The following GLB1L3 variants were observed in gnomAD, a reference collection of about 807,000 sequenced individuals.
The protein encoded by GLB1L3 is beta-galactosidase-1-like protein 3.
Under a neutral mutation model 89.5 loss-of-function variants are expected in GLB1L3, and 89 were observed. That is an observed-to-expected ratio of 0.99 (90% confidence interval 0.84 to 1.19). The LOEUF is 1.19. Ranked by LOEUF, GLB1L3 falls within the 50% of genes most tolerant of loss-of-function variation. GLB1L3 has a pLI of 0.00. For missense variants in GLB1L3, 812 were observed against 813.3 expected (o/e 1.00, Z 0.02); for synonymous variants, 314 against 312.3 (o/e 1.01, Z -0.06).
chr11:134,319,659 C>T (rs575783255), downstream of GLB1L3: 1 of 150,582 alleles, frequency 6.6e-6, no homozygotes, highest in East Asian at 2.0e-4. Context: ...GAGAGTATTG[C>T]ATGTACTAAT....
chr11:134,308,651 ATC>A (rs1565414852), intron 10 of GLB1L3, among the ~76,000 whole-genome samples: 3 of 149,682 alleles, frequency 2.0e-5, no homozygotes, highest in South Asian at 2.1e-4. Flanking sequence ...CATCACCACC[ATC>A]ATCACCACCA....
intron 8 of GLB1L3, chr11:134,292,685 G>A: frequency 4.2e-6 from 1 of 237,480 alleles, no homozygotes; most frequent in Non-Finnish European, 8.2e-6. Context: ...GAATTAAGTG[G>A]CAGGAAGATT....
rs928870830 is a variant in GLB1L3, at chr11:134,317,485, A to G, written c.1780-1146A>G. Among the ~76,000 whole-genome samples the G allele has an allele frequency of 2.1e-4, 32 of 152,168 alleles. 1 individual carries two copies. The highest frequency in any genetic ancestry group is 1.2e-3 in the Admixed American group (18 of 15,274). Reference sequence around the variant, plus strand: ...GGTTTATTTAGAAGTGCTTTTCTTAATTTCCAAGAATTTGGATATTTTAGG... The same window carrying G: ...GGTTTATTTAGAAGTGCTTTTCTTAGTTTCCAAGAATTTGGATATTTTAGG... On this transcript the variant is annotated intron_variant, in intron 18 of 19. Transcript: ENST00000431683.
intron 13 of GLB1L3, 190 bp downstream of exon 13, chr11:134,311,360 T>C (rs1436484738): frequency 5.1e-6 from 3 of 586,140 alleles, no homozygotes; most frequent in Non-Finnish European, 9.1e-6. Flanking sequence ...GGAGTCAGTG[T>C]GCAGGGGAGG....
Position 134,277,833 on chromosome 11 carries a change from C to A in GLB1L3, c.283C>A (p.His95Asn). 1 of 1,614,122 alleles carries A rather than the reference C, an allele frequency of 6.2e-7. No homozygotes were observed. The highest frequency in any genetic ancestry group is 1.1e-5 in the South Asian group (1 of 91,078). Residue 95 changes from histidine (H) to asparagine (N), a missense_variant, in exon 3 of 20, where the codon CAC (histidine) becomes AAC (asparagine). This residue lies in a region of GLB1L3 where 191 missense variants were observed against 191.4 expected (regional missense o/e 1.00). Transcript: ENST00000431683. ...HKFLIFGGSI[H>N]YFRVPREYWR... is the part of the protein sequence containing the mutation. ...GTTCCTGATCTTCGGGGGCTCCATC[C>A]ACTATTTCCGGGTGCCCAGGGAGTA...
intron 11 of GLB1L3, 27 bp from the exon 12 acceptor site, chr11:134,310,544 C>T (rs1440732451): frequency 1.3e-6 from 2 of 1,583,188 alleles, no homozygotes; most frequent in Non-Finnish European, 1.7e-6. Flanking sequence ...GACTGCATGG[C>T]TGGTGACTGG....
chr11:134,281,526 A>G, intron 4 of GLB1L3, 81 bp downstream of exon 4: 1 of 1,420,602 alleles, frequency 7.0e-7, no homozygotes, highest in South Asian at 1.1e-5. Context: ...GCAACCAAAG[A>G]GAACCAGGGA....
downstream of GLB1L3, among the ~76,000 whole-genome samples, chr11:134,322,846 T>G (rs1257254409): frequency 6.6e-6 from 1 of 152,248 alleles, no homozygotes; most frequent in Non-Finnish European, 1.5e-5. Context: ...TTCCACTTTT[T>G]GGATATTATG....
chr11:134,308,435 C>T (rs1323263933), intron 10 of GLB1L3, among the ~76,000 whole-genome samples: 3 of 86,898 alleles, frequency 3.5e-5, no homozygotes, highest in East Asian at 2.7e-4. Flanking sequence ...CCATCACCAC[C>T]ACCACCACCA....
At chr11:134,296,671 A>G (rs1941659322) in intron 9 of GLB1L3, among the ~76,000 whole-genome samples, 1 of 123,708 alleles carries the variant, frequency 8.1e-6, no homozygotes. Context: ...GAAGGGGAAC[A>G]TCACACTCTG....
chr11:134,308,168 AG>A, intron 10 of GLB1L3, among the ~76,000 whole-genome samples: 2 of 132,742 alleles, frequency 1.5e-5, no homozygotes, highest in Admixed American at 7.7e-5. Flanking sequence ...CACCACCACC[AG>A]CACCACCACC....
chr11:134,322,202 G>A (rs1400296192), downstream of GLB1L3, among the ~76,000 whole-genome samples: 1 of 152,144 alleles, frequency 6.6e-6, no homozygotes, highest in East Asian at 1.9e-4. Flanking sequence ...AAGACAGAAG[G>A]TGTTACTAGG....
Position 134,281,502 on chromosome 11 carries a change from C to T in GLB1L3, c.431+57C>T, listed in dbSNP as rs1940683571. ...CAGGGGCAGGGCACAGAGGTGGCTA[C>T]TGGGGGTGGATTAGCAACCAAAGAG... On this transcript the variant is annotated intron_variant, in intron 4 of 19. Coordinates refer to ENST00000431683, the MANE Select transcript of GLB1L3 (RefSeq NM_001080407.3). 2.7e-6 allele frequency: 4 copies of T among 1,487,090 alleles called. No homozygotes were observed. The African/African-American group carries it at 6.8e-5, about 25-fold the overall frequency. The allele number at this position is 1,487,090 out of a possible 1,614,324, so 92.1% of individuals were successfully genotyped here.
In GLB1L3 at chr11:134,277,414, A is replaced by AACTTCATGCTTGGAAGAGC. The variant is rs762652301; in HGVS notation, c.113_131dup (p.His45LeufsTer12). On this transcript the variant is annotated frameshift_variant, in exon 2 of 20. Transcript: ENST00000431683. LOFTEE classifies it high-confidence loss of function. ...TGCTCCTCGGTTTAAGCAGGAAGAG[A>AACTTCATGCTTGGAAGAGC]ACTTCATGCTTGGAAGAGCGCATCC... 1.1e-5 allele frequency: 17 copies of AACTTCATGCTTGGAAGAGC among 1,613,766 alleles called. No individual in the cohort carries two copies. The African/African-American group carries it at 2.1e-4, about 20-fold the overall frequency.
chr11:134,322,651 T>C (rs1317773017), downstream of GLB1L3, among the ~76,000 whole-genome samples: 1 of 152,248 alleles, frequency 6.6e-6, no homozygotes, highest in East Asian at 1.9e-4. Flanking sequence ...CTGAACATTT[T>C]ACGAAAGTGG....
At chr11:134,301,296 A>G (rs1294314998) in intron 9 of GLB1L3, among the ~76,000 whole-genome samples, 2 of 152,092 alleles carry the variant, frequency 1.3e-5, no homozygotes, top group African/African-American at 4.8e-5. Context: ...GATGGGATTT[A>G]TGTTTTTCCC....
intron 10 of GLB1L3, among the ~76,000 whole-genome samples, chr11:134,308,250 C>CCACCACCAT (rs1942353202): frequency 1.3e-4 from 5 of 37,798 alleles, no homozygotes; most frequent in East Asian, 7.1e-4. Flanking sequence ...ACCATCACCA[C>CCACCACCAT]CATCACCACC....
At chr11:134,290,450 G>T (rs1024297685) in intron 7 of GLB1L3, among the ~76,000 whole-genome samples, 1 of 151,780 alleles carries the variant, frequency 6.6e-6, no homozygotes, top group South Asian at 2.1e-4. Context: ...GTGCACACCT[G>T]TAATCCCAGC....
chr11:134,276,686 C>G lies in GLB1L3; in HGVS notation c.-55C>G. On this transcript the variant is annotated 5_prime_UTR_variant, in exon 1 of 20. Coordinates refer to ENST00000431683, the MANE Select transcript of GLB1L3 (RefSeq NM_001080407.3). ...TCCCGGCCCGAGCGCGGCGTCGGGG[C>G]CAGCGGAGAGGGGCGGAAGCCGCAA... 7.2e-7 allele frequency: 1 copy of G among 1,391,190 alleles called. No individual in the cohort carries two copies. Among genetic ancestry groups the G allele is most frequent in the Non-Finnish European group, 9.3e-7 (1 of 1,070,376 alleles). The allele number at this position is 1,391,190 out of a possible 1,614,324, so 86.2% of individuals were successfully genotyped here.
Sources: allele counts gnomAD v4.1 joint callset (sites outside exome capture counted in the v4.1 genomes callset), GRCh38; gene constraint gnomAD v4.1.1; regional missense constraint gnomAD v4.1.1; transcripts MANE v1.5; gene names NCBI Gene and HGNC (gene_info 2026-07-23, HGNC 2026-07-21).